ARPP21: variants seen among roughly 807,000 people sequenced by gnomAD.
ARPP21 encodes the protein cAMP-regulated phosphoprotein 21.
Under a neutral mutation model 113.2 loss-of-function variants are expected in ARPP21, and 69 were observed. That is an observed-to-expected ratio of 0.61 (90% CI 0.50 to 0.74). The LOEUF (loss-of-function observed/expected upper bound fraction) is 0.74, where lower values mean the gene tolerates loss of function less well. ARPP21 is among the 30% of genes least tolerant of loss of function. ARPP21 has a pLI of 0.00. For synonymous variants in ARPP21, 368 were observed against 375.5 expected (o/e 0.98, Z 0.23); for missense variants, 1,070 against 1,037.4 (o/e 1.03, Z -0.43).
At chr3:35,729,637 ACAGGAAAGCTAGTTG>A (rs1220932159) in intron 15 of ARPP21, 101 bp downstream of exon 15, 64 of 1,051,390 alleles carry the variant, frequency 6.1e-5, no homozygotes, top group Non-Finnish European at 8.7e-5. Context: ...AAATTCCTGA[ACAGGAAAGCTAGTTG>A]CATGAACTGT....
At chr3:35,783,278 C>T (rs2096563542) in intron 19 of ARPP21, among the ~76,000 whole-genome samples, 2 of 152,110 alleles carry the variant, frequency 1.3e-5, no homozygotes, top group Admixed American at 1.3e-4. Context: ...TTAAGACAGG[C>T]TGTTTGTCTG....
chr3:35,734,216 T>A (rs1167361316), intron 15 of ARPP21, among the ~76,000 whole-genome samples: 1 of 152,186 alleles, frequency 6.6e-6, no homozygotes, highest in Non-Finnish European at 1.5e-5. Context: ...ATTTTTATCT[T>A]GTCTTTTTAA....
intron 18 of ARPP21, among the ~76,000 whole-genome samples, chr3:35,741,936 C>T (rs557203053): frequency 6.6e-6 from 1 of 152,158 alleles, no homozygotes; most frequent in African/African-American, 2.4e-5. Flanking sequence ...CTTGGAGTGG[C>T]GCTGGATTCA....
chr3:35,770,100 T>A lies in ARPP21; in HGVS notation c.2138-22282T>A, dbSNP rs148919311. Reference sequence around the variant, plus strand: ...CTTCTCCATCAAAACAGTTGTTGACTACAAAATACTCATTCAAAAAAACAT... The same window carrying A: ...CTTCTCCATCAAAACAGTTGTTGACAACAAAATACTCATTCAAAAAAACAT... On this transcript the variant is annotated intron_variant, in intron 19 of 20. Coordinates refer to ENST00000684406, the MANE Select transcript of ARPP21 (RefSeq NM_001385562.1). Among the ~76,000 whole-genome samples the A allele has an allele frequency of 7.0e-3, 1,061 of 152,306 alleles. 3 individuals are homozygous for A. Among genetic ancestry groups the A allele is most frequent in the Middle Eastern group, 0.014 (4 of 294 alleles).
At chr3:35,737,038 G>A (rs557413331) in intron 15 of ARPP21, 140 bp from the exon 16 acceptor site, 15 of 577,768 alleles carry the variant, frequency 2.6e-5, no homozygotes, top group African/African-American at 2.4e-4. Flanking sequence ...TCTTCACATT[G>A]GTGAAGGTTT....
chr3:35,664,877 C>T (rs1285013287), intron 1 of ARPP21, among the ~76,000 whole-genome samples: 6 of 152,166 alleles, frequency 3.9e-5, no homozygotes, highest in Non-Finnish European at 8.8e-5. Flanking sequence ...GTGGCCTGAT[C>T]TGGCATTCAG....
intron 10 of ARPP21, chr3:35,707,401 C>T (rs577821803): frequency 7.6e-6 from 4 of 525,884 alleles, no homozygotes; most frequent in African/African-American, 1.9e-5. Flanking sequence ...CTTTGTCAGT[C>T]GCATATCCAG....
At chr3:35,730,323 G>A (rs143130298) in intron 15 of ARPP21, among the ~76,000 whole-genome samples, 364 of 152,280 alleles carry the variant, frequency 2.4e-3, no homozygotes, top group Non-Finnish European at 4.0e-3. Context: ...TTCTCAACCC[G>A]GGGCATTTTT....
chr3:35,709,129 C>A, intron 11 of ARPP21, 59 bp downstream of exon 11: 1 of 1,186,656 alleles, frequency 8.4e-7, no homozygotes, highest in South Asian at 1.3e-5. Flanking sequence ...GTAAGGCTTC[C>A]TCATTCCCCA....
intron 1 of ARPP21, among the ~76,000 whole-genome samples, chr3:35,669,628 A>G (rs1219806546): frequency 1.3e-5 from 2 of 152,036 alleles, no homozygotes; most frequent in East Asian, 1.9e-4. Context: ...GCCACATCAC[A>G]TTTTCTTTTC....
At chr3:35,653,153 G>A (rs1472993246) in intron 1 of ARPP21, among the ~76,000 whole-genome samples, 1 of 151,970 alleles carries the variant, frequency 6.6e-6, no homozygotes, top group African/African-American at 2.4e-5. Context: ...ACTCCCTCCT[G>A]TGTGAAAGGG....
At chr3:35,677,656 G>C (rs1329337652) in intron 1 of ARPP21, among the ~76,000 whole-genome samples, 2 of 151,870 alleles carry the variant, frequency 1.3e-5, no homozygotes, top group Non-Finnish European at 2.9e-5. Flanking sequence ...TTTATATATA[G>C]TCTCTTCTTT....
At position 35,707,178 on chromosome 3, in the gene ARPP21, C is replaced by T. The variant is rs573008697; in HGVS notation, c.795+96C>T. The stretch of plus-strand genomic sequence containing the variant: ...CCCTCTGTTGTCCCTGCCTTCCCTC[C>T]AATCCTCCCCTGCCTCTGATACCAC... On this transcript the variant is annotated intron_variant, in intron 10 of 20. Coordinates refer to ENST00000684406, the MANE Select transcript of ARPP21 (RefSeq NM_001385562.1). 2.0e-5 allele frequency: 17 copies of T among 867,238 alleles called. No homozygotes were observed. In the African/African-American group the frequency reaches 2.5e-4, roughly 13 times the overall value. 53.7% of individuals were successfully genotyped at this position (867,238 alleles called of 1,614,324 possible).
chr3:35,733,759 C>G (rs893880382), intron 15 of ARPP21, among the ~76,000 whole-genome samples: 1 of 152,134 alleles, frequency 6.6e-6, no homozygotes, highest in Non-Finnish European at 1.5e-5. Context: ...TCCATCTCCC[C>G]TTGGTGAGCA....
intron 19 of ARPP21, among the ~76,000 whole-genome samples, chr3:35,780,871 G>A (rs1576982373): frequency 1.3e-5 from 2 of 152,012 alleles, no homozygotes; most frequent in South Asian, 4.2e-4. Flanking sequence ...AGCTGGATGG[G>A]GAAGCAGGCA....
chr3:35,765,698 G>C (rs2095945826), intron 19 of ARPP21, among the ~76,000 whole-genome samples: 1 of 152,054 alleles, frequency 6.6e-6, no homozygotes, highest in African/African-American at 2.4e-5. Flanking sequence ...AAATGAGAAA[G>C]ATAGAAAAGA....
chr3:35,754,441 C>T (rs1021934395), intron 19 of ARPP21, among the ~76,000 whole-genome samples: 1 of 151,872 alleles, frequency 6.6e-6, no homozygotes, highest in Non-Finnish European at 1.5e-5. Flanking sequence ...TGTCTATTAA[C>T]ATCAGTGGGA....
At chr3:35,791,371 G>A (rs1392718378) in intron 19 of ARPP21, among the ~76,000 whole-genome samples, 1 of 152,098 alleles carries the variant, frequency 6.6e-6, no homozygotes, top group Admixed American at 6.5e-5. Flanking sequence ...TAAGATAGCA[G>A]TTCCACTTAC....
chr3:35,737,420 T>A, intron 16 of ARPP21, 58 bp downstream of exon 16: 1 of 1,156,582 alleles, frequency 8.6e-7, no homozygotes, highest in African/African-American at 1.5e-5. Flanking sequence ...GGCTACATAG[T>A]CCTCAGAGCA....
Sources: allele counts gnomAD v4.1 joint callset (sites outside exome capture counted in the v4.1 genomes callset), GRCh38; gene constraint gnomAD v4.1.1; transcripts MANE v1.5; gene names NCBI Gene and HGNC (gene_info 2026-07-23, HGNC 2026-07-21).